Variants in ADAMTS20 observed in about 807,000 individuals in gnomAD.
The protein encoded by ADAMTS20 is ADAM metallopeptidase with thrombospondin type 1 motif 20, also known as A disintegrin and metalloproteinase with thrombospondin motifs 20.
ADAMTS20 carries 225 observed loss-of-function variants against 260.1 expected under a neutral mutation model. The ratio of observed to expected loss-of-function variants is 0.87; its 90% CI spans 0.78 to 0.97. The LOEUF is 0.97. Ranked by LOEUF, ADAMTS20 falls within the 50% of genes least tolerant of loss-of-function variation. ADAMTS20 has a pLI of 0.00. For missense variants in ADAMTS20, 2,400 were observed against 2,337.7 expected, an observed-to-expected ratio of 1.03 and a Z score of -0.55; for synonymous variants, 802 against 769.5, an observed-to-expected ratio of 1.04 and a Z score of -0.70.
chr12:43,438,982 A>G (rs185172702), intron 18 of ADAMTS20, among the ~76,000 whole-genome samples: 4 of 152,300 alleles, frequency 2.6e-5, no homozygotes, highest in Admixed American at 6.5e-5. Flanking sequence ...TTGGGATCTT[A>G]TTAATAATCT....
chr12:43,500,379 T>C lies in ADAMTS20; in HGVS notation c.867+1773A>G, dbSNP rs139935496. ...CCTTTAACCATTTTCTATTGCAAAG[T>C]ATATCCCATTGTTCCATATAATTGA... On this transcript the variant is annotated intron_variant, in intron 4 of 38. Transcript: ENST00000389420. 3.2e-4 allele frequency among the ~76,000 whole-genome samples: 49 copies of C among 152,332 alleles called. No homozygotes were observed. In the East Asian group the frequency reaches 8.9e-3, roughly 28 times the overall value.
In ADAMTS20 at chr12:43,356,494, C is replaced by T. The variant is rs779950063; in HGVS notation, c.5633G>A (p.Arg1878Gln). 1.7e-5 allele frequency: 27 copies of T among 1,604,024 alleles called. No homozygotes were observed. Among genetic ancestry groups the T allele is most frequent in the African/African-American group, 4.0e-5 (3 of 74,776 alleles). ...TCCCGCAGGACTTACCTCTGATCTT[C>T]GTATGCTGACAGAGGTATAACTCCC... is the stretch of plus-strand genomic sequence containing the variant. ...TQGSYTSVSI[R>Q]RSEDGTRFFG... The change falls in exon 38 of 39, where the codon CGA becomes CAA. Residue 1878 changes from arginine to glutamine, a missense_variant. Physicochemically the swap from Arg to Gln is conservative, Grantham distance 43. Coordinates refer to ENST00000389420, the MANE Select transcript of ADAMTS20 (RefSeq NM_025003.5).
intron 7 of ADAMTS20, among the ~76,000 whole-genome samples, chr12:43,482,473 C>A (rs1942456786): frequency 6.6e-6 from 1 of 152,244 alleles, no homozygotes; most frequent in Non-Finnish European, 1.5e-5. Flanking sequence ...TAAGACTTGC[C>A]TTGCAAGAGT....
At chr12:43,355,611 A>G (rs1399929649) in intron 38 of ADAMTS20, among the ~76,000 whole-genome samples, 2 of 152,188 alleles carry the variant, frequency 1.3e-5, no homozygotes, top group African/African-American at 4.8e-5. Context: ...CATAATAAAT[A>G]AAAGTCATAA....
rs564659053 is a variant in ADAMTS20 at position 43,497,101 on chromosome 12, T to C, written c.868-3848A>G. The stretch of plus-strand genomic sequence containing the variant: ...TGCTATGTATTCGAATTTTTATTGA[T>C]CTACTTAAAATGTATTTAATCTTTC... On this transcript the variant is annotated intron_variant, in intron 4 of 38. Transcript: ENST00000389420. Among the ~76,000 whole-genome samples, 3 of 152,320 alleles carry C rather than the reference T, an allele frequency of 2.0e-5. No individual in the cohort carries two copies. In the East Asian group the frequency reaches 5.8e-4, roughly 29 times the overall value.
chr12:43,372,469 T>A (rs1164325602), intron 36 of ADAMTS20, among the ~76,000 whole-genome samples: 1 of 152,152 alleles, frequency 6.6e-6, no homozygotes, highest in Non-Finnish European at 1.5e-5. Context: ...GATTAGAGTA[T>A]AGCATGGGGA....
At position 43,430,365 on chromosome 12, in the gene ADAMTS20, G is replaced by C; in HGVS notation, c.3368C>G (p.Pro1123Arg). Residue 1123 changes from proline to arginine, a missense_variant, in exon 23 of 39, where the codon CCC (proline) becomes CGC (arginine). Coordinates refer to ENST00000389420, the MANE Select transcript of ADAMTS20 (RefSeq NM_025003.5). ...EDTECHEASR[P>R]SDRQSCVLTP... is the part of the protein sequence containing the mutation. ...GATTCTTTTTACCTGTCTGTCACTG[G>C]GGCGACTAGCTTCATGGCATTCTGT... is the stretch of plus-strand genomic sequence containing the variant. 1 of 1,610,600 alleles carries C rather than the reference G, an allele frequency of 6.2e-7. No homozygotes were observed. Among genetic ancestry groups the C allele is most frequent in the South Asian group, 1.1e-5 (1 of 90,562 alleles).
intron 28 of ADAMTS20, among the ~76,000 whole-genome samples, chr12:43,416,228 CG>C (rs1253675854): frequency 2.0e-5 from 3 of 152,044 alleles, no homozygotes; most frequent in African/African-American, 7.2e-5. Flanking sequence ...AAATCATCCT[CG>C]GCTTTTGGAA....
rs116358849 is a variant in ADAMTS20, at chr12:43,404,586, A to G, written c.4285-5353T>C. ...GATCTTTTAATTAAGCTTGGCTACA[A>G]AAGTAGTAAATATCCATTTCATTTG... is the stretch of plus-strand genomic sequence containing the variant. On this transcript the variant is annotated intron_variant, in intron 28 of 38. Transcript: ENST00000389420. Among the ~76,000 whole-genome samples, 529 of 152,326 alleles carry G rather than the reference A, an allele frequency of 3.5e-3. 5 individuals are homozygous for G. The highest frequency in any genetic ancestry group is 0.012 in the African/African-American group (505 of 41,576).
chr12:43,537,247 G>C (rs1000034831), intron 2 of ADAMTS20, among the ~76,000 whole-genome samples: 6 of 151,550 alleles, frequency 4.0e-5, no homozygotes, highest in Non-Finnish European at 7.4e-5. Context: ...TAGAGATGGG[G>C]TTTCACTATG....
intron 3 of ADAMTS20, among the ~76,000 whole-genome samples, chr12:43,522,392 G>A (rs750578679): frequency 1.3e-5 from 2 of 152,202 alleles, no homozygotes; most frequent in Non-Finnish European, 2.9e-5. Flanking sequence ...AGATTTGGGT[G>A]GGGACACAGA....
At chr12:43,484,067 T>C (rs1318050375) in intron 7 of ADAMTS20, among the ~76,000 whole-genome samples, 1 of 151,982 alleles carries the variant, frequency 6.6e-6, no homozygotes, top group Non-Finnish European at 1.5e-5. Flanking sequence ...ATCAAGGAAC[T>C]CATACTGAGT....
At position 43,462,806 on chromosome 12, in the gene ADAMTS20, A is replaced by G. The variant is rs529614055; in HGVS notation, c.1614+89T>C. 156 of 1,042,856 alleles carry G rather than the reference A, an allele frequency of 1.5e-4. 1 individual carries two copies. In the South Asian group the frequency reaches 2.4e-3, roughly 16 times the overall value. The allele number at this position is 1,042,856 out of a possible 1,614,324, so 64.6% of individuals were successfully genotyped here. A position where few individuals can be genotyped will look rare whatever the true frequency, so the allele number is the denominator to read the frequency against. On this transcript the variant is annotated intron_variant, in intron 11 of 38. Transcript: ENST00000389420. ...TTCGACTAGCTGAAGAAAAGTTGAC[A>G]GCAAATAACAAACAGAGTGCTAAAA...
chr12:43,473,420 C>A (rs1942299858), intron 7 of ADAMTS20, among the ~76,000 whole-genome samples: 1 of 47,116 alleles, frequency 2.1e-5, no homozygotes, highest in Admixed American at 3.0e-4. Flanking sequence ...CAACATTAGA[C>A]AAATCAACGA....
chr12:43,402,282 A>G (rs145411000), intron 28 of ADAMTS20, among the ~76,000 whole-genome samples: 5 of 152,142 alleles, frequency 3.3e-5, no homozygotes, highest in Admixed American at 2.6e-4. Flanking sequence ...TAATTTACTT[A>G]AAAATTTTAA....
intron 7 of ADAMTS20, among the ~76,000 whole-genome samples, chr12:43,474,007 TAG>T (rs1942307892): frequency 6.7e-6 from 1 of 148,544 alleles, no homozygotes; most frequent in African/African-American, 2.5e-5. Context: ...CTGAAGGAAA[TAG>T]AGACACAAAA....
At chr12:43,429,162 CAGAT>C (rs1451406527) in intron 24 of ADAMTS20, among the ~76,000 whole-genome samples, 49 of 151,880 alleles carry the variant, frequency 3.2e-4, no homozygotes, top group African/African-American at 9.9e-4. Context: ...TACTAAGTAA[CAGAT>C]AGATATAATT....
chr12:43,449,932 T>A (rs1326540900), intron 14 of ADAMTS20, among the ~76,000 whole-genome samples: 1 of 152,178 alleles, frequency 6.6e-6, no homozygotes, highest in African/African-American at 2.4e-5. Context: ...ATCTGCATTG[T>A]AACACTGACA....
At chr12:43,498,773 A>C (rs1942712475) in intron 4 of ADAMTS20, among the ~76,000 whole-genome samples, 1 of 152,202 alleles carries the variant, frequency 6.6e-6, no homozygotes, top group African/African-American at 2.4e-5. Flanking sequence ...TGTGATCAAC[A>C]GTCCCAGTTT....
Sources: gnomAD v4.1 joint callset for allele counts (sites outside exome capture counted in the v4.1 genomes callset) on GRCh38, gnomAD v4.1.1 for gene constraint, MANE v1.5 for transcripts, NCBI Gene and HGNC (gene_info 2026-07-23, HGNC 2026-07-21) for gene names.